Variants in PKDREJ observed in about 807,000 individuals in gnomAD.
PKDREJ encodes the protein polycystin family receptor for egg jelly.
For synonymous variants in PKDREJ, 1,031 were observed against 1,095.5 expected, an observed-to-expected ratio of 0.94 and a Z score of 1.16; for missense variants, 2,507 against 2,807.2, an observed-to-expected ratio of 0.89 and a Z score of 2.42.
chr22:46,257,377 C>G lies in PKDREJ; in HGVS notation c.5946G>C (p.Glu1982Asp). The stretch of plus-strand genomic sequence containing the variant: ...CTCTTTCTTGCATAATGATACAACC[C>G]TCATCAACAACGTAGGCTAAGAAAA... ...LIFFLAYVVDEGCIIMQERAS... is the reference protein window; with the variant it reads ...LIFFLAYVVDDGCIIMQERAS... Residue 1982 changes from glutamate (E) to aspartate (D), a missense_variant, in exon 1 of 1, where the codon GAG (glutamate) becomes GAC (aspartate). Coordinates refer to ENST00000253255, the MANE Select transcript of PKDREJ (RefSeq NM_006071.2). The surrounding 1 kb of genome is among the most constrained non-coding windows in gnomAD (Gnocchi z 4.7). The G allele has an allele frequency of 1.9e-6, 3 of 1,614,008 alleles. No homozygotes were observed. Among genetic ancestry groups the G allele is most frequent in the Non-Finnish European group, 2.5e-6 (3 of 1,180,038 alleles).
Position 46,259,683 on chromosome 22 carries a change from G to A in PKDREJ, c.3640C>T (p.Leu1214Phe), listed in dbSNP as rs1404613806. The A allele has an allele frequency of 6.2e-7, 1 of 1,614,110 alleles. No homozygotes were observed. The change falls in exon 1 of 1, where the codon CTT (leucine) becomes TTT (phenylalanine). Residue 1214 changes from leucine (L) to phenylalanine (F), a missense_variant. Coordinates refer to ENST00000253255, the MANE Select transcript of PKDREJ (RefSeq NM_006071.2). This position sits in a 1 kb window ranked among gnomAD's most constrained non-coding sequence, Gnocchi z 6.8. ...GGTAGAACTATCACATGCCCCCGAA[G>A]ATGCTGGTCCATTTCATCCCTGTAT... ...ALYRDEMDQH[L>F]RGHVIVLPDN...
rs1601854352 is a variant in PKDREJ at position 46,259,056 on chromosome 22, A to G, written c.4267T>C (p.Tyr1423His). 1 of 1,613,838 alleles carries G rather than the reference A, an allele frequency of 6.2e-7. No homozygotes were observed. Among genetic ancestry groups the G allele is most frequent in the East Asian group, 2.2e-5 (1 of 44,884 alleles). Residue 1423 changes from tyrosine (Y) to histidine (H), a missense_variant, in exon 1 of 1, where the codon TAC becomes CAC. Tyr to His is a moderately conservative substitution (Grantham distance 83, BLOSUM62 2). Coordinates refer to ENST00000253255, the MANE Select transcript of PKDREJ (RefSeq NM_006071.2). The surrounding 1 kb of genome is among the most constrained non-coding windows in gnomAD (Gnocchi z 6.8). ...QEQTESRERK[Y>H]MRSMMIGIES... ...ATTCCTATCATCATTGATCTCATGT[A>G]TTTCCTCTCTCTTGACTCAGTTTGT...
chr22:46,257,262 A>T lies in PKDREJ; in HGVS notation c.6061T>A (p.Phe2021Ile). Residue 2021 changes from phenylalanine (F) to isoleucine (I), a missense_variant, in exon 1 of 1, where the codon TTC becomes ATC. Transcript: ENST00000253255. The surrounding 1 kb of genome is among the most constrained non-coding windows in gnomAD (Gnocchi z 4.7). ...VLIVLFLRKHFLATGIIRFYL... is the reference protein window; with the variant it reads ...VLIVLFLRKHILATGIIRFYL... ...AACCGAATTATGCCAGTGGCCAGGA[A>T]ATGTTTCCTGAGAAAGAGCACAATC... The T allele has an allele frequency of 6.2e-7, 1 of 1,614,124 alleles. No individual in the cohort carries two copies. The highest frequency in any genetic ancestry group is 8.5e-7 in the Non-Finnish European group (1 of 1,180,030).
rs201491689 is a variant in PKDREJ, at chr22:46,258,667, G to A, written c.4656C>T (p.Ser1552=). ...NNIEDDQDVH[S]EQHPSQKDLQ... is the part of the protein sequence containing the mutation. ...GATCCTTTTGGGAAGGGTGCTGTTC[G>A]GAATGGACATCCTGATCATCTTCTA... Residue 1552 remains serine (S), a synonymous_variant, in exon 1 of 1, where the codon TCC becomes TCT. Transcript: ENST00000253255. The surrounding 1 kb of genome is among the most constrained non-coding windows in gnomAD (Gnocchi z 6.1). The A allele has an allele frequency of 2.9e-5, 47 of 1,614,066 alleles. No individual in the cohort carries two copies. Among genetic ancestry groups the A allele is most frequent in the Admixed American group, 1.2e-4 (7 of 59,996 alleles).
At position 46,257,749 on chromosome 22, in the gene PKDREJ, A is replaced by G. The variant is rs774555407; in HGVS notation, c.5574T>C (p.Tyr1858=). 2.5e-6 allele frequency: 4 copies of G among 1,614,194 alleles called. No homozygotes were observed. The highest frequency in any genetic ancestry group is 3.4e-6 in the Non-Finnish European group (4 of 1,180,020). The change falls in exon 1 of 1, where the codon TAT becomes TAC. Residue 1858 remains tyrosine, a synonymous_variant. Coordinates refer to ENST00000253255, the MANE Select transcript of PKDREJ (RefSeq NM_006071.2). This position sits in a 1 kb window ranked among gnomAD's most constrained non-coding sequence, Gnocchi z 4.7. The part of the protein sequence containing the change: ...AIDESTNGFT[Y]KPQGTQWLYY... ...ATAGCCATTGCGTTCCTTGAGGCTTATAAGTAAATCCATTGGTACTCTCAT... is the reference window on the plus strand; with the variant it reads ...ATAGCCATTGCGTTCCTTGAGGCTTGTAAGTAAATCCATTGGTACTCTCAT...
rs1936642878 is a variant in PKDREJ, at chr22:46,257,265, G to A, written c.6058C>T (p.His2020Tyr). 6.2e-7 allele frequency: 1 copy of A among 1,613,944 alleles called. No homozygotes were observed. The highest frequency in any genetic ancestry group is 1.3e-5 in the African/African-American group (1 of 74,952). Residue 2020 changes from histidine (H) to tyrosine (Y), a missense_variant, in exon 1 of 1, where the codon CAT (histidine) becomes TAT (tyrosine). Transcript: ENST00000253255. The surrounding 1 kb of genome is among the most constrained non-coding windows in gnomAD (Gnocchi z 4.7). ...TVLIVLFLRK[H>Y]FLATGIIRFY... ...CGAATTATGCCAGTGGCCAGGAAAT[G>A]TTTCCTGAGAAAGAGCACAATCAAC...
Position 46,258,043 on chromosome 22 carries a change from G to T in PKDREJ, c.5280C>A (p.Ile1760=). 1 of 1,614,026 alleles carries T rather than the reference G, an allele frequency of 6.2e-7. No homozygotes were observed. Among genetic ancestry groups the T allele is most frequent in the South Asian group, 1.1e-5 (1 of 91,084 alleles). The change falls in exon 1 of 1, where the codon ATC becomes ATA. Residue 1760 remains isoleucine, a synonymous_variant. Transcript: ENST00000253255. The surrounding 1 kb of genome is among the most constrained non-coding windows in gnomAD (Gnocchi z 6.1). ...ACAGCACGCTGTTTAGCCATCTATAGATGTCTTCCAGCTTAGTCACAGTAG... is the reference window on the plus strand; with the variant it reads ...ACAGCACGCTGTTTAGCCATCTATATATGTCTTCCAGCTTAGTCACAGTAG... ...DLATVTKLED[I]YRWLNSVLLP...
In PKDREJ at chr22:46,261,789, C is replaced by T. The variant is rs1003684415; in HGVS notation, c.1534G>A (p.Val512Ile). 8.7e-6 allele frequency: 14 copies of T among 1,613,904 alleles called. No individual in the cohort carries two copies. Among genetic ancestry groups the T allele is most frequent in the Non-Finnish European group, 1.1e-5 (13 of 1,180,018 alleles). The change falls in exon 1 of 1, where the codon GTA (valine) becomes ATA (isoleucine). Residue 512 changes from valine (V) to isoleucine (I), a missense_variant. By Grantham distance (29) the Val-to-Ile change is conservative (BLOSUM62 3). Transcript: ENST00000253255. The surrounding 1 kb of genome is among the most constrained non-coding windows in gnomAD (Gnocchi z 7.1). ...AGATAAGCACCATTCCTTCCTGTTA[C>T]AGTTTCCCCCATCCAATCAAATAGC... ...EMLFDWMGET[V>I]TGRNGAYLSI...
Position 46,256,696 on chromosome 22 carries a change from C to G in PKDREJ, c.6627G>C (p.Ser2209=). 3 of 1,614,126 alleles carry G rather than the reference C, an allele frequency of 1.9e-6. No homozygotes were observed. The highest frequency in any genetic ancestry group is 2.5e-6 in the Non-Finnish European group (3 of 1,180,012). The change falls in exon 1 of 1, where the codon TCG becomes TCC. Residue 2209 remains serine, a synonymous_variant. Coordinates refer to ENST00000253255, the MANE Select transcript of PKDREJ (RefSeq NM_006071.2). This position sits in a 1 kb window ranked among gnomAD's most constrained non-coding sequence, Gnocchi z 5.3. Reference sequence around the variant, plus strand: ...CAGGCTCATCTTTGGCCTTAGATTGCGAGGTCAGAAAGCTGAACATGGTTC... The same window carrying G: ...CAGGCTCATCTTTGGCCTTAGATTGGGAGGTCAGAAAGCTGAACATGGTTC... ...KLRTMFSFLT[S]QSKAKDEPEF... is the part of the protein sequence containing the mutation.
In PKDREJ at chr22:46,260,442, AG is replaced by A. The variant is rs1371611814; in HGVS notation, c.2880del (p.Phe961LeufsTer18). The A allele has an allele frequency of 6.2e-7, 1 of 1,614,084 alleles. No individual in the cohort carries two copies. Among genetic ancestry groups the A allele is most frequent in the African/African-American group, 1.3e-5 (1 of 74,932 alleles). ...CCCACTGTGAGATTAAAAGCTGCAA[AG>A]GTCAAGTTTTTCCTGACAAGGTACA... is the stretch of plus-strand genomic sequence containing the variant. ...AEVYLVRKNL[T>X]FAAFNLTVGP... On this transcript the variant is annotated frameshift_variant, in exon 1 of 1. Transcript: ENST00000253255. LOFTEE classifies it low-confidence loss of function (END_TRUNC). The surrounding 1 kb of genome is among the most constrained non-coding windows in gnomAD (Gnocchi z 4.5).
rs1601853636 is a variant in PKDREJ, at chr22:46,258,064, A to G, written c.5259T>C (p.Thr1753=). ...TATAGATGTCTTCCAGCTTAGTCAC[A>G]GTAGCAAGATCCATAGAGAACCGAT... ...IRDRFSMDLA[T]VTKLEDIYRW... Residue 1753 remains threonine, a synonymous_variant, in exon 1 of 1, where the codon ACT becomes ACC. Transcript: ENST00000253255. This position sits in a 1 kb window ranked among gnomAD's most constrained non-coding sequence, Gnocchi z 6.1. The G allele has an allele frequency of 1.2e-6, 2 of 1,614,108 alleles. No individual in the cohort carries two copies. Among genetic ancestry groups the G allele is most frequent in the South Asian group, 1.1e-5 (1 of 91,088 alleles).
rs1452093934 is a variant in PKDREJ at position 46,262,087 on chromosome 22, C to T, written c.1236G>A (p.Ser412=). 5.0e-6 allele frequency: 8 copies of T among 1,614,010 alleles called. No individual in the cohort carries two copies. Among genetic ancestry groups the T allele is most frequent in the East Asian group, 4.5e-5 (2 of 44,896 alleles). ...EQANLKWPWA[S]GPVLTLLPET... ...CTGGCAAAAGTGTCAGTACAGGGCC[C>T]GAGGCCCAGGGCCATTTCAGATTGG... Residue 412 remains serine, a synonymous_variant, in exon 1 of 1, where the codon TCG becomes TCA. Coordinates refer to ENST00000253255, the MANE Select transcript of PKDREJ (RefSeq NM_006071.2). This position sits in a 1 kb window ranked among gnomAD's most constrained non-coding sequence, Gnocchi z 8.1.
In PKDREJ at chr22:46,261,889, C is replaced by T. The variant is rs1220852002; in HGVS notation, c.1434G>A (p.Leu478=). The T allele has an allele frequency of 5.6e-6, 9 of 1,613,854 alleles. No individual in the cohort carries two copies. The highest frequency in any genetic ancestry group is 1.7e-5 in the Admixed American group (1 of 59,978). Residue 478 remains leucine, a synonymous_variant, in exon 1 of 1, where the codon TTG becomes TTA. Coordinates refer to ENST00000253255, the MANE Select transcript of PKDREJ (RefSeq NM_006071.2). The surrounding 1 kb of genome is among the most constrained non-coding windows in gnomAD (Gnocchi z 7.1). The part of the protein sequence containing the change: ...RNFIVSDRFS[L]FLNCTNCASR... ...TTGCACAATTTGTGCAATTTAGGAACAAAGAAAATCTATCAGAGACAATGA... is the reference window on the plus strand; with the variant it reads ...TTGCACAATTTGTGCAATTTAGGAATAAAGAAAATCTATCAGAGACAATGA...
rs1207797855 is a variant in PKDREJ, at chr22:46,262,663, C to T, written c.660G>A (p.Val220=). The T allele has an allele frequency of 6.2e-7, 1 of 1,613,272 alleles. No individual in the cohort carries two copies. The highest frequency in any genetic ancestry group is 1.1e-5 in the South Asian group (1 of 91,076). The change falls in exon 1 of 1, where the codon GTG becomes GTA. Residue 220 remains valine (V), a synonymous_variant. Transcript: ENST00000253255. This position sits in a 1 kb window ranked among gnomAD's most constrained non-coding sequence, Gnocchi z 8.1. ...CGCCCTTCTGGTCCGTGTTGATCCT[C>T]ACGCGCTGGATGACGCAGGCGTTTA... The part of the protein sequence containing the change: ...CQINACVIQR[V]RINTDQKGAP...
In PKDREJ at chr22:46,257,336, C is replaced by G; in HGVS notation, c.5987G>C (p.Ser1996Thr). 3.1e-6 allele frequency: 5 copies of G among 1,614,070 alleles called. No individual in the cohort carries two copies. The highest frequency in any genetic ancestry group is 4.2e-6 in the Non-Finnish European group (5 of 1,180,044). The stretch of plus-strand genomic sequence containing the variant: ...AGCAAAGTTGAGCAAATTATACACA[C>G]TTCTCACATAGGAGGCTCTTTCTTG... ...IMQERASYVR[S>T]VYNLLNFALK... Residue 1996 changes from serine to threonine, a missense_variant, in exon 1 of 1, where the codon AGT becomes ACT. Ser to Thr is a moderately conservative substitution (Grantham distance 58). Coordinates refer to ENST00000253255, the MANE Select transcript of PKDREJ (RefSeq NM_006071.2). The surrounding 1 kb of genome is among the most constrained non-coding windows in gnomAD (Gnocchi z 4.7).
Position 46,261,156 on chromosome 22 carries a change from C to A in PKDREJ, c.2167G>T (p.Glu723Ter), listed in dbSNP as rs760618165. The A allele has an allele frequency of 6.2e-7, 1 of 1,614,104 alleles. No individual in the cohort carries two copies. Among genetic ancestry groups the A allele is most frequent in the Non-Finnish European group, 8.5e-7 (1 of 1,180,002 alleles). The part of the protein sequence containing the change: ...VASVLNNMKT[E>*]LPLRDDRVNL... ...ACTCTGTCATCTCGGAGAGGTAATTCAGTTTTCATGTTATTCAAAACGGAA... is the reference window on the plus strand; with the variant it reads ...ACTCTGTCATCTCGGAGAGGTAATTAAGTTTTCATGTTATTCAAAACGGAA... The change falls in exon 1 of 1, where the codon GAA becomes TAA. Residue 723 changes from glutamate (E) to a stop codon, truncating the protein, a stop_gained. Coordinates refer to ENST00000253255, the MANE Select transcript of PKDREJ (RefSeq NM_006071.2). LOFTEE classifies it low-confidence loss of function (END_TRUNC). This position sits in a 1 kb window ranked among gnomAD's most constrained non-coding sequence, Gnocchi z 7.1.
Position 46,256,413 on chromosome 22 carries a change from T to G in PKDREJ, c.*148A>C. The G allele has an allele frequency of 5.1e-6, 7 of 1,371,624 alleles. No homozygotes were observed. Among genetic ancestry groups the G allele is most frequent in the Non-Finnish European group, 5.9e-6 (6 of 1,019,912 alleles). The allele number at this position is 1,371,624 out of a possible 1,614,324, so 85.0% of individuals were successfully genotyped here. Reference sequence around the variant, plus strand: ...CACTCCCAAGAGCAGAGGACAAGATTGGGGATTCTTCCAAATGTAGGGGAT... The same window carrying G: ...CACTCCCAAGAGCAGAGGACAAGATGGGGGATTCTTCCAAATGTAGGGGAT... On this transcript the variant is annotated 3_prime_UTR_variant, in exon 1 of 1. Coordinates refer to ENST00000253255, the MANE Select transcript of PKDREJ (RefSeq NM_006071.2). The surrounding 1 kb of genome is among the most constrained non-coding windows in gnomAD (Gnocchi z 5.3).
chr22:46,259,416 C>A lies in PKDREJ; in HGVS notation c.3907G>T (p.Glu1303Ter). ...AAATACCAGCTAGGCGATCGACCCT[C>A]GTTGTTGTGCCACACACGGATGGAA... ...IHSIRVWHNN[E>*]GRSPSWYLSR... Residue 1303 changes from glutamate (E) to a stop codon, truncating the protein, a stop_gained, in exon 1 of 1, where the codon GAG becomes TAG. Coordinates refer to ENST00000253255, the MANE Select transcript of PKDREJ (RefSeq NM_006071.2). LOFTEE classifies it low-confidence loss of function (END_TRUNC). This position sits in a 1 kb window ranked among gnomAD's most constrained non-coding sequence, Gnocchi z 6.8. The A allele has an allele frequency of 6.2e-7, 1 of 1,614,212 alleles. No homozygotes were observed. Among genetic ancestry groups the A allele is most frequent in the Non-Finnish European group, 8.5e-7 (1 of 1,180,056 alleles).
At position 46,260,838 on chromosome 22, in the gene PKDREJ, C is replaced by A; in HGVS notation, c.2485G>T (p.Asp829Tyr). The change falls in exon 1 of 1, where the codon GAT becomes TAT. Residue 829 changes from aspartate to tyrosine, a missense_variant. Physicochemically the swap from Asp to Tyr is radical, Grantham distance 160 (BLOSUM62 -3). Transcript: ENST00000253255. The surrounding 1 kb of genome is among the most constrained non-coding windows in gnomAD (Gnocchi z 4.5). ...KMTSPHQVVKDPFYVIESLSD... is the reference protein window; with the variant it reads ...KMTSPHQVVKYPFYVIESLSD... ...AGAGATTCTATTACATAGAAAGGAT[C>A]TTTAACTACTTGGTGAGGAGAAGTC... The A allele has an allele frequency of 1.2e-6, 2 of 1,614,050 alleles. No individual in the cohort carries two copies. The highest frequency in any genetic ancestry group is 1.7e-6 in the Non-Finnish European group (2 of 1,179,930).
Sources: allele counts gnomAD v4.1 joint callset, GRCh38; gene constraint gnomAD v4.1.1; non-coding constraint Gnocchi (gnomAD v3.1); transcripts MANE v1.5; gene names NCBI Gene and HGNC (gene_info 2026-07-23, HGNC 2026-07-21).